PPP1R11: variants seen among roughly 807,000 people sequenced by gnomAD.
The protein encoded by PPP1R11 is protein phosphatase 1 regulatory inhibitor subunit 11.
PPP1R11 carries 10 observed loss-of-function variants against 11.3 expected under a neutral mutation model. That is an observed-to-expected ratio of 0.88 (90% CI 0.55 to 1.50). The LOEUF (loss-of-function observed/expected upper bound fraction) is 1.50, where lower values mean the gene tolerates loss of function less well. Ranked by LOEUF, PPP1R11 falls within the 40% of genes most tolerant of loss-of-function variation. The probability of loss-of-function intolerance (pLI) is 0.00; values close to 1 mark genes in which losing one functional copy is unlikely to be tolerated. For synonymous variants in PPP1R11, 56 were observed against 62.3 expected, an observed-to-expected ratio of 0.90 and a Z score of 0.48; for missense variants, 114 against 179.1, an observed-to-expected ratio of 0.64 and a Z score of 2.07.
chr6:30,068,597 G>A lies in PPP1R11; in HGVS notation c.77G>A (p.Arg26Gln), dbSNP rs780991304. The A allele has an allele frequency of 1.9e-5, 30 of 1,611,964 alleles. No homozygotes were observed. The highest frequency in any genetic ancestry group is 3.5e-4 in the Middle Eastern group (2 of 5,662). ...TCATCCTTAACCTTCTAGGAGAACC[G>A]GAGCCTTACCATCAAACTTCGGAAA... Reference protein sequence around the residue: ...TVTVTTEPENRSLTIKLRKRK... With the variant: ...TVTVTTEPENQSLTIKLRKRK... The change falls in exon 2 of 3, where the codon CGG becomes CAG. Residue 26 changes from arginine to glutamine, a missense_variant. Arg to Gln is a conservative substitution (Grantham distance 43). Transcript: ENST00000376772.
At chr6:30,066,910 G>A (rs1363374849), upstream of PPP1R11, 1 of 156,362 alleles carries the variant, frequency 6.4e-6, no homozygotes, top group Non-Finnish European at 1.4e-5. Flanking sequence ...TCTGCAGCAG[G>A]ACTCAGCTTG....
Position 30,069,001 on chromosome 6 carries a change from G to T in PPP1R11, c.179-103G>T. 8.2e-7 allele frequency: 1 copy of T among 1,219,364 alleles called. No homozygotes were observed. The highest frequency in any genetic ancestry group is 1.2e-6 in the Non-Finnish European group (1 of 856,298). The allele number at this position is 1,219,364 out of a possible 1,614,324, so 75.5% of individuals were successfully genotyped here. A position where few individuals can be genotyped will look rare whatever the true frequency, so the allele number is the denominator to read the frequency against. On this transcript the variant is annotated intron_variant, in intron 2 of 2. Coordinates refer to ENST00000376772, the MANE Select transcript of PPP1R11 (RefSeq NM_021959.3). The surrounding 1 kb of genome is among the most constrained non-coding windows in gnomAD (Gnocchi z 6.6). ...GGCCTGGGGAAGCTGGATCCTGGAAGGTAGGAGAAAATAGGAATTTTCACT... is the reference window on the plus strand; with the variant it reads ...GGCCTGGGGAAGCTGGATCCTGGAATGTAGGAGAAAATAGGAATTTTCACT...
At chr6:30,064,041 T>C (rs1477950272), upstream of PPP1R11, among the ~76,000 whole-genome samples, 1 of 152,210 alleles carries the variant, frequency 6.6e-6, no homozygotes, top group Non-Finnish European at 1.5e-5. Context: ...TCAGACCTTA[T>C]ACATTTTGTC....
intron 1 of PPP1R11, 136 bp downstream of exon 1, chr6:30,067,615 A>T: frequency 8.9e-7 from 1 of 1,122,058 alleles, no homozygotes; most frequent in Non-Finnish European, 1.3e-6. Flanking sequence ...TAGGGCTGGG[A>T]GAATCGGAAG....
At chr6:30,062,191 C>G, upstream of PPP1R11, 3 of 1,559,236 alleles carry the variant, frequency 1.9e-6, no homozygotes, top group Non-Finnish European at 2.7e-6. Flanking sequence ...GGGGATATGA[C>G]CAGGCCTCCC....
the PPP1R11 span, chr6:30,061,371 C>A: frequency 2.5e-6 from 2 of 792,140 alleles, no homozygotes; most frequent in South Asian, 4.2e-5. The surrounding 1 kb of genome is among the most constrained non-coding windows in gnomAD (Gnocchi z 5.0). Flanking sequence ...CCGGGCGTTT[C>A]GGCTCCTTGG....
Position 30,067,230 on chromosome 6 carries a change from G to C in PPP1R11, c.-181G>C, listed in dbSNP as rs1180853862. The C allele has an allele frequency of 2.2e-5, 13 of 603,650 alleles. No homozygotes were observed. The highest frequency in any genetic ancestry group is 2.9e-6 in the Non-Finnish European group (1 of 344,104). The allele number at this position is 603,650 out of a possible 1,614,324, so 37.4% of individuals were successfully genotyped here. ...CCGGAAGCGGCGAGCCGGAAGTGGG[G>C]TTAGCCAGGTTATCCCCAGGGGTGG... is the stretch of plus-strand genomic sequence containing the variant. On this transcript the variant is annotated 5_prime_UTR_variant, in exon 1 of 3. Coordinates refer to ENST00000376772, the MANE Select transcript of PPP1R11 (RefSeq NM_021959.3).
chr6:30,064,860 C>A (rs1370569575), upstream of PPP1R11: 2 of 468,356 alleles, frequency 4.3e-6, no homozygotes. Context: ...TACTCCTACC[C>A]TTAGTTGAAT....
chr6:30,067,957 G>C (rs1765660334), intron 1 of PPP1R11, among the ~76,000 whole-genome samples: 1 of 152,182 alleles, frequency 6.6e-6, no homozygotes. Flanking sequence ...AAATCAGAGA[G>C]CAAAGATGTA....
chr6:30,061,772 C>A (rs1765094913), upstream of PPP1R11: 3 of 1,570,276 alleles, frequency 1.9e-6, no homozygotes, highest in Non-Finnish European at 2.6e-6. The surrounding 1 kb of genome is among the most constrained non-coding windows in gnomAD (Gnocchi z 5.0). Flanking sequence ...AGCAGGACAT[C>A]AGGCGGTTGT....
rs552227100 is a variant in PPP1R11, at chr6:30,069,897, T to C, written c.*591T>C. The C allele has an allele frequency of 5.9e-5, 9 of 152,508 alleles. No homozygotes were observed. The highest frequency in any genetic ancestry group is 2.1e-4 in the South Asian group (1 of 4,832). 9.4% of individuals were successfully genotyped at this position (152,508 alleles called of 1,614,324 possible). ...AGGTCCTTGTCATTCTCACCTCTTATGGAAAATGGAATAAGAAATAATCAT... is the reference window on the plus strand; with the variant it reads ...AGGTCCTTGTCATTCTCACCTCTTACGGAAAATGGAATAAGAAATAATCAT... On this transcript the variant is annotated 3_prime_UTR_variant, in exon 3 of 3. Transcript: ENST00000376772. This position sits in a 1 kb window ranked among gnomAD's most constrained non-coding sequence, Gnocchi z 6.6.
At chr6:30,067,141 G>C (rs1765597063), upstream of PPP1R11, 2 of 442,244 alleles carry the variant, frequency 4.5e-6, no homozygotes, top group East Asian at 6.9e-5. Flanking sequence ...ATCCAGCGAC[G>C]CCTGCGCTTT....
chr6:30,064,694 T>C (rs1765368809), upstream of PPP1R11: 1 of 1,609,300 alleles, frequency 6.2e-7, no homozygotes, highest in Non-Finnish European at 8.5e-7. Context: ...AGGAAGACTC[T>C]TGACCTTTTT....
upstream of PPP1R11, among the ~76,000 whole-genome samples, chr6:30,064,305 ATTT>A (rs199991816): frequency 2.4e-4 from 36 of 151,100 alleles, no homozygotes; most frequent in East Asian, 3.5e-3. Flanking sequence ...AAAAAAAAAA[ATTT>A]TTTTTAAATA....
chr6:30,067,680 T>G lies in PPP1R11; in HGVS notation c.69+201T>G, dbSNP rs9261282. 71,675 of 606,616 alleles carry G rather than the reference T, an allele frequency of 0.12. 5,809 individuals are homozygous for G. Among genetic ancestry groups the G allele is most frequent in the African/African-American group, 0.27 (14,299 of 53,922 alleles). The allele number at this position is 606,616 out of a possible 1,614,324, so 37.6% of individuals were successfully genotyped here. ...GGTGCAGGAGGCAGGTCAAGGAACTTGTAATAGGGAGGTACAGTTAGGATA... is the reference window on the plus strand; with the variant it reads ...GGTGCAGGAGGCAGGTCAAGGAACTGGTAATAGGGAGGTACAGTTAGGATA... On this transcript the variant is annotated intron_variant, in intron 1 of 2. Transcript: ENST00000376772.
chr6:30,069,132 C>G lies in PPP1R11; in HGVS notation c.207C>G (p.Ala69=). The part of the protein sequence containing the change: ...KCCCIYEKPR[A]FGESSTESDE... ...GCTGTATTTATGAGAAACCTCGGGC[C>G]TTTGGCGAGAGCTCCACGGAAAGTG... is the stretch of plus-strand genomic sequence containing the variant. The change falls in exon 3 of 3, where the codon GCC becomes GCG. Residue 69 remains alanine, a synonymous_variant. Coordinates refer to ENST00000376772, the MANE Select transcript of PPP1R11 (RefSeq NM_021959.3). This position sits in a 1 kb window ranked among gnomAD's most constrained non-coding sequence, Gnocchi z 6.6. 6.2e-7 allele frequency: 1 copy of G among 1,612,152 alleles called. No individual in the cohort carries two copies. Among genetic ancestry groups the G allele is most frequent in the South Asian group, 1.1e-5 (1 of 91,046 alleles).
At chr6:30,061,401 G>A in the PPP1R11 span, 1 of 1,094,854 alleles carries the variant, frequency 9.1e-7, no homozygotes, top group Non-Finnish European at 1.3e-6. This position sits in a 1 kb window ranked among gnomAD's most constrained non-coding sequence, Gnocchi z 5.0. Flanking sequence ...CAGGAGGCGT[G>A]CGTGGCAGGA....
At position 30,069,500 on chromosome 6, in the gene PPP1R11, T is replaced by A; in HGVS notation, c.*194T>A. ...CCTGGGTTTCCCCAGTCCTCATTTT[T>A]CCTCCCAATACCCACCCTTCTCTCT... On this transcript the variant is annotated 3_prime_UTR_variant, in exon 3 of 3. Transcript: ENST00000376772. This position sits in a 1 kb window ranked among gnomAD's most constrained non-coding sequence, Gnocchi z 6.6. 1 of 510,788 alleles carries A rather than the reference T, an allele frequency of 2.0e-6. No individual in the cohort carries two copies. The allele number at this position is 510,788 out of a possible 1,614,324, so 31.6% of individuals were successfully genotyped here. A position where few individuals can be genotyped will look rare whatever the true frequency, so the allele number is the denominator to read the frequency against.
chr6:30,061,476 TTCTC>T, the PPP1R11 span: 52 of 1,603,612 alleles, frequency 3.2e-5, no homozygotes, highest in Non-Finnish European at 4.2e-5. The surrounding 1 kb of genome is among the most constrained non-coding windows in gnomAD (Gnocchi z 5.0). Context: ...ACAGGAACTC[TTCTC>T]TCTTTTGTTA....
Sources: allele counts gnomAD v4.1 joint callset (sites outside exome capture counted in the v4.1 genomes callset), GRCh38; gene constraint gnomAD v4.1.1; non-coding constraint Gnocchi (gnomAD v3.1); transcripts MANE v1.5; gene names NCBI Gene and HGNC (gene_info 2026-07-23, HGNC 2026-07-21).